Variants in LRP1B observed in about 807,000 individuals in gnomAD.
The protein encoded by LRP1B is LDL receptor related protein 1B, also known as low-density lipoprotein receptor-related protein 1B.
Under a neutral mutation model 556.6 loss-of-function variants are expected in LRP1B, and 217 were observed. The observed-to-expected ratio is 0.39, with a 90% CI of 0.35 to 0.44. The LOEUF is 0.44. LRP1B is among the 20% of genes least tolerant of loss of function. LRP1B has a pLI of 1.00. For missense variants in LRP1B, 5,053 were observed against 5,620.8 expected, an observed-to-expected ratio of 0.90 and a Z score of 3.23; for synonymous variants, 2,047 against 1,865.8, an observed-to-expected ratio of 1.10 and a Z score of -2.50.
chr2:141,076,304 A>G (rs1040542787), intron 7 of LRP1B, among the ~76,000 whole-genome samples: 1 of 152,208 alleles, frequency 6.6e-6, no homozygotes, highest in African/African-American at 2.4e-5. Context: ...GATGAGCTTC[A>G]GGGGTTCCAT....
At chr2:142,126,719 G>A (rs10195203) in intron 1 of LRP1B, among the ~76,000 whole-genome samples, 24,011 of 151,670 alleles carry the variant, frequency 0.16, 2,171 homozygotes, top group African/African-American at 0.24. Flanking sequence ...AGGAAAGGGA[G>A]GGAGAGTTGC....
intron 35 of LRP1B, among the ~76,000 whole-genome samples, chr2:140,768,020 A>C (rs1689176552): frequency 6.6e-6 from 1 of 151,932 alleles, no homozygotes; most frequent in African/African-American, 2.4e-5. Flanking sequence ...ATGAGATTTG[A>C]TTAAAGTTTG....
At chr2:140,388,592 T>G (rs917279086) in intron 66 of LRP1B, among the ~76,000 whole-genome samples, 1 of 152,218 alleles carries the variant, frequency 6.6e-6, no homozygotes, top group South Asian at 2.1e-4. Context: ...AGCTGCCTTA[T>G]GTAAAGTTAT....
chr2:141,597,057 C>T (rs1687550471), intron 2 of LRP1B, among the ~76,000 whole-genome samples: 1 of 61,464 alleles, frequency 1.6e-5, no homozygotes, highest in Admixed American at 1.3e-4. Context: ...TGACATTTTA[C>T]ACACACACAC....
chr2:141,589,508 G>T (rs796288156), intron 2 of LRP1B, among the ~76,000 whole-genome samples: 1 of 152,044 alleles, frequency 6.6e-6, no homozygotes, highest in African/African-American at 2.4e-5. Flanking sequence ...CTATCATTGC[G>T]CAAGTCTTCA....
Position 140,509,908 on chromosome 2 carries a change from G to T in LRP1B, c.8398+20C>A, listed in dbSNP as rs1475304249. The T allele has an allele frequency of 1.2e-6, 2 of 1,608,498 alleles. No individual in the cohort carries two copies. The highest frequency in any genetic ancestry group is 1.3e-5 in the African/African-American group (1 of 74,732). On this transcript the variant is annotated intron_variant, in intron 52 of 90. Coordinates refer to ENST00000389484, the MANE Select transcript of LRP1B (RefSeq NM_018557.3). Reference sequence around the variant, plus strand: ...CTGCAACAGTTTTCTTTGACATGCAGCCCTGGCCAGTGTTCATACCGCAGC... The same window carrying T: ...CTGCAACAGTTTTCTTTGACATGCATCCCTGGCCAGTGTTCATACCGCAGC...
chr2:141,236,061 G>T (rs1040796183), intron 5 of LRP1B, among the ~76,000 whole-genome samples: 3 of 152,088 alleles, frequency 2.0e-5, no homozygotes, highest in South Asian at 2.1e-4. Context: ...GATATTGTGT[G>T]GGTGGGTAAA....
At chr2:140,911,157 A>G (rs995993147) in intron 21 of LRP1B, among the ~76,000 whole-genome samples, 2 of 151,882 alleles carry the variant, frequency 1.3e-5, no homozygotes, top group Non-Finnish European at 3.0e-5. Flanking sequence ...TAAAAAAGGC[A>G]TAGAACTCAG....
intron 63 of LRP1B, among the ~76,000 whole-genome samples, chr2:140,446,533 C>G (rs972659996): frequency 6.6e-6 from 1 of 151,968 alleles, no homozygotes; most frequent in African/African-American, 2.4e-5. Flanking sequence ...GATGCATCTA[C>G]CCGAAAGTGA....
chr2:140,321,918 G>C (rs773665375), intron 82 of LRP1B, 45 bp downstream of exon 82: 3 of 1,558,354 alleles, frequency 1.9e-6, no homozygotes, highest in South Asian at 2.3e-5. Flanking sequence ...GAAATTTTAT[G>C]ATAAGGATTA....
intron 1 of LRP1B, among the ~76,000 whole-genome samples, chr2:142,010,139 A>G (rs779684013): frequency 2.6e-5 from 4 of 152,132 alleles, no homozygotes; most frequent in Admixed American, 1.3e-4. Flanking sequence ...ATTTGTCACA[A>G]CTGAGGGGGA....
rs1225068529 is a variant in LRP1B at position 140,334,623 on chromosome 2, G to T, written c.12117-64C>A. On this transcript the variant is annotated intron_variant, in intron 78 of 90. Transcript: ENST00000389484. ...TGCTGCTATAACCAGACTCTGCTCC[G>T]CAAAGCAGTGGCTCTTCAGACCACG... 2.4e-5 allele frequency: 20 copies of T among 842,806 alleles called. No homozygotes were observed. In the East Asian group the frequency reaches 4.9e-4, roughly 20 times the overall value. The allele number at this position is 842,806 out of a possible 1,614,324, so 52.2% of individuals were successfully genotyped here. A position where few individuals can be genotyped will look rare whatever the true frequency, so the allele number is the denominator to read the frequency against.
intron 1 of LRP1B, among the ~76,000 whole-genome samples, chr2:141,832,758 T>A (rs972913237): frequency 3.3e-5 from 5 of 151,838 alleles, no homozygotes; most frequent in African/African-American, 1.2e-4. Context: ...CAAGTCAACC[T>A]TGTCAAATAT....
intron 11 of LRP1B, among the ~76,000 whole-genome samples, chr2:141,020,891 A>T (rs1698046519): frequency 6.6e-6 from 1 of 151,962 alleles, no homozygotes; most frequent in Admixed American, 6.6e-5. Flanking sequence ...TTGGATAAAT[A>T]TCCAAGCCTT....
intron 2 of LRP1B, among the ~76,000 whole-genome samples, chr2:141,580,523 T>C (rs528444206): frequency 4.6e-5 from 7 of 152,310 alleles, no homozygotes; most frequent in Admixed American, 1.3e-4. Flanking sequence ...TGGCTAAGCA[T>C]AATGCTCCAA....
chr2:141,393,985 T>C (rs2104910950), intron 3 of LRP1B, among the ~76,000 whole-genome samples: 2 of 152,284 alleles, frequency 1.3e-5, no homozygotes, highest in South Asian at 2.1e-4. Flanking sequence ...TATTATATGA[T>C]GCTCATTGTT....
intron 2 of LRP1B, among the ~76,000 whole-genome samples, chr2:141,640,100 C>A (rs6747694): frequency 1.3e-5 from 2 of 151,880 alleles, no homozygotes; most frequent in Non-Finnish European, 2.9e-5. Context: ...ACATCAATAA[C>A]GAAAAACAGC....
At chr2:140,954,585 A>G (rs1006237333) in intron 18 of LRP1B, among the ~76,000 whole-genome samples, 3 of 151,990 alleles carry the variant, frequency 2.0e-5, no homozygotes, top group Admixed American at 1.3e-4. Flanking sequence ...ATTATTTCCA[A>G]CTGTTAGATT....
chr2:140,345,791 C>CAT (rs1192338332), intron 77 of LRP1B, among the ~76,000 whole-genome samples: 1 of 114,896 alleles, frequency 8.7e-6, no homozygotes, highest in African/African-American at 3.5e-5. Context: ...TATATATACA[C>CAT]ATATATACAT....
Sources: gnomAD v4.1 joint callset for allele counts (sites outside exome capture counted in the v4.1 genomes callset) on GRCh38, gnomAD v4.1.1 for gene constraint, MANE v1.5 for transcripts, NCBI Gene and HGNC (gene_info 2026-07-23, HGNC 2026-07-21) for gene names.